The following DCC variants were observed in gnomAD, a reference collection of about 807,000 sequenced individuals.
DCC encodes the protein DCC netrin 1 receptor.
DCC carries 58 observed loss-of-function variants against 172.5 expected under a neutral mutation model. The ratio of observed to expected loss-of-function variants is 0.34; its 90% CI spans 0.27 to 0.42. The LOEUF is 0.42. Among genes scored for constraint, DCC ranks in the 10% least tolerant of loss-of-function variants. DCC has a pLI of 1.00. For synonymous variants in DCC, 709 were observed against 644.5 expected, an observed-to-expected ratio of 1.10 and a Z score of -1.52; for missense variants, 1,740 against 1,791.0, an observed-to-expected ratio of 0.97 and a Z score of 0.51.
At chr18:53,299,348 C>T (rs1486192023) in intron 12 of DCC, among the ~76,000 whole-genome samples, 1 of 152,034 alleles carries the variant, frequency 6.6e-6, no homozygotes, top group Non-Finnish European at 1.5e-5. Context: ...CCCAATCTAC[C>T]TTTCCTTTTC....
chr18:52,862,820 C>G (rs895406105), intron 2 of DCC, among the ~76,000 whole-genome samples: 1 of 152,028 alleles, frequency 6.6e-6, no homozygotes, highest in African/African-American at 2.4e-5. Context: ...AATATGAGAT[C>G]AACGGAATCT....
intron 7 of DCC, among the ~76,000 whole-genome samples, chr18:53,154,210 C>T (rs1234482652): frequency 6.6e-6 from 1 of 152,094 alleles, no homozygotes; most frequent in Non-Finnish European, 1.5e-5. Flanking sequence ...CCAGAGTCCC[C>T]GATGGGATTT....
intron 1 of DCC, among the ~76,000 whole-genome samples, chr18:52,719,081 A>G (rs756481781): frequency 1.5e-4 from 23 of 151,976 alleles, no homozygotes; most frequent in Admixed American, 2.0e-4. Flanking sequence ...TTGTAGCTGC[A>G]TCACTCCAAC....
rs1389009267 is a variant in DCC, at chr18:52,340,548, G to A, written c.-240G>A. 2 of 600,836 alleles carry A rather than the reference G, an allele frequency of 3.3e-6. No individual in the cohort carries two copies. The highest frequency in any genetic ancestry group is 6.0e-6 in the Non-Finnish European group (2 of 335,126). 37.2% of individuals were successfully genotyped at this position (600,836 alleles called of 1,614,324 possible). ...ACCGGGGCTCGGGATCTCTTGGACC[G>A]AATGGAACTTTTTGCTGCCTGCTTT... On this transcript the variant is annotated 5_prime_UTR_variant, in exon 1 of 29. Coordinates refer to ENST00000442544, the MANE Select transcript of DCC (RefSeq NM_005215.4).
At chr18:53,128,026 T>C (rs1288713592) in intron 7 of DCC, among the ~76,000 whole-genome samples, 2 of 152,130 alleles carry the variant, frequency 1.3e-5, no homozygotes, top group Non-Finnish European at 2.9e-5. Context: ...AACCTCAGAT[T>C]CTTTACTTGC....
intron 9 of DCC, among the ~76,000 whole-genome samples, chr18:53,195,773 C>T (rs976708025): frequency 6.6e-6 from 1 of 152,112 alleles, no homozygotes; most frequent in Non-Finnish European, 1.5e-5. Flanking sequence ...TTAACTAAGC[C>T]CTCCGTTATC....
intron 12 of DCC, among the ~76,000 whole-genome samples, chr18:53,304,143 T>C (rs2057172510): frequency 1.3e-5 from 2 of 152,130 alleles, no homozygotes; most frequent in African/African-American, 4.8e-5. Flanking sequence ...GCCTGGGGTT[T>C]GGGGTTAATA....
chr18:52,469,270 G>T (rs983165826), intron 1 of DCC, among the ~76,000 whole-genome samples: 1 of 151,952 alleles, frequency 6.6e-6, no homozygotes, highest in Admixed American at 6.6e-5. Flanking sequence ...GTTGCCCAGG[G>T]TAGTCTCAAA....
At chr18:52,472,938 C>A (rs759036479) in intron 1 of DCC, among the ~76,000 whole-genome samples, 1 of 151,984 alleles carries the variant, frequency 6.6e-6, no homozygotes, top group Admixed American at 6.6e-5. Flanking sequence ...AATTAAAGAC[C>A]CTTAATTTCG....
chr18:53,486,758 A>G (rs370396691), intron 25 of DCC, 39 bp from the exon 26 acceptor site: 1 of 1,613,970 alleles, frequency 6.2e-7, no homozygotes, highest in Non-Finnish European at 8.5e-7. Context: ...GAGTGAATAC[A>G]TAAGGTTCAA....
intron 1 of DCC, among the ~76,000 whole-genome samples, chr18:52,749,014 A>G (rs12458864): frequency 0.26 from 39,186 of 152,078 alleles, 5,508 homozygotes; most frequent in Admixed American, 0.34. Context: ...CTGGCCAAAT[A>G]TGGCCAACAT....
At chr18:53,373,162 A>G (rs2058076348) in intron 15 of DCC, among the ~76,000 whole-genome samples, 1 of 152,186 alleles carries the variant, frequency 6.6e-6, no homozygotes, top group South Asian at 2.1e-4. Flanking sequence ...TTATTAAAAT[A>G]CAAATATACA....
chr18:53,444,284 A>G (rs1028331155), intron 22 of DCC, among the ~76,000 whole-genome samples: 6 of 152,156 alleles, frequency 3.9e-5, no homozygotes, highest in African/African-American at 1.4e-4. Context: ...GCTTATGCCT[A>G]TAATCCCAGC....
At chr18:52,874,970 G>A (rs2039380145) in intron 2 of DCC, among the ~76,000 whole-genome samples, 1 of 152,066 alleles carries the variant, frequency 6.6e-6, no homozygotes, top group Admixed American at 6.6e-5. Flanking sequence ...TTGGGCTGTG[G>A]GGCGGTTCCT....
intron 1 of DCC, among the ~76,000 whole-genome samples, chr18:52,393,396 T>C (rs1404465614): frequency 1.3e-5 from 2 of 152,078 alleles, no homozygotes; most frequent in Admixed American, 1.3e-4. Context: ...GTGGGACCAA[T>C]GGGAGCTTGT....
chr18:52,489,919 G>A (rs948205855), intron 1 of DCC, among the ~76,000 whole-genome samples: 1 of 152,060 alleles, frequency 6.6e-6, no homozygotes, highest in African/African-American at 2.4e-5. Flanking sequence ...GAAGTGGAAT[G>A]TTCCTCTTTT....
chr18:52,729,935 G>T (rs2036611222), intron 1 of DCC, among the ~76,000 whole-genome samples: 1 of 152,150 alleles, frequency 6.6e-6, no homozygotes, highest in Non-Finnish European at 1.5e-5. Context: ...ACACAATCAG[G>T]ATGAAATCAT....
At chr18:53,483,623 T>A (rs1180831073) in intron 25 of DCC, among the ~76,000 whole-genome samples, 1 of 151,906 alleles carries the variant, frequency 6.6e-6, no homozygotes, top group African/African-American at 2.4e-5. Flanking sequence ...GATCTATTTT[T>A]ATGTTTGTGG....
At chr18:53,240,519 TG>T (rs2056277413) in intron 12 of DCC, among the ~76,000 whole-genome samples, 1 of 152,138 alleles carries the variant, frequency 6.6e-6, no homozygotes, top group African/African-American at 2.4e-5. Context: ...TTGTAGACAA[TG>T]TATTAAAAAG....
Sources: allele counts gnomAD v4.1 joint callset (sites outside exome capture counted in the v4.1 genomes callset), GRCh38; gene constraint gnomAD v4.1.1; transcripts MANE v1.5; gene names NCBI Gene and HGNC (gene_info 2026-07-23, HGNC 2026-07-21).